The following PROM1 variants were observed in gnomAD, a reference collection of about 807,000 sequenced individuals.
PROM1 encodes the protein prominin-1.
A neutral mutation model predicts 116.9 loss-of-function variants in PROM1; 105 were observed. That is an observed-to-expected ratio of 0.90 (90% CI 0.77 to 1.06). The LOEUF is 1.06. Ranked by LOEUF, PROM1 falls within the 50% of genes least tolerant of loss-of-function variation. The pLI is 0.00. For missense variants in PROM1, 1,122 were observed against 1,045.2 expected (o/e 1.07, Z -1.01); for synonymous variants, 393 against 387.0 (o/e 1.02, Z -0.18).
intron 4 of PROM1, 82 bp from the exon 5 acceptor site, chr4:16,033,591 T>A: frequency 8.9e-7 from 1 of 1,129,756 alleles, no homozygotes; most frequent in Non-Finnish European, 1.2e-6. Flanking sequence ...AAGTTCTTTT[T>A]TTTTTTTTTT....
intron 5 of PROM1, among the ~76,000 whole-genome samples, chr4:16,030,635 G>A (rs970431235): frequency 6.6e-6 from 1 of 152,102 alleles, no homozygotes; most frequent in Non-Finnish European, 1.5e-5. Flanking sequence ...CTTTATTGTT[G>A]ATATATTTTG....
intron 11 of PROM1, among the ~76,000 whole-genome samples, chr4:16,009,934 C>CAAAAAAAAAAAAAAAAAAAAAAAAA (rs4065768): frequency 1.3e-5 from 1 of 75,442 alleles, no homozygotes; most frequent in African/African-American, 5.6e-5. Context: ...GACTCGCTCT[C>CAAAAAAAAAAAAAAAAAAAAAAAAA]AAAAAAAAAA....
At chr4:16,034,242 T>C (rs1472806307) in intron 4 of PROM1, among the ~76,000 whole-genome samples, 3 of 152,152 alleles carry the variant, frequency 2.0e-5, no homozygotes, top group African/African-American at 7.2e-5. Context: ...CTGGAATGTA[T>C]CTTAATTTAG....
intron 13 of PROM1, among the ~76,000 whole-genome samples, chr4:16,000,990 G>A (rs1723697396): frequency 6.6e-6 from 1 of 152,196 alleles, no homozygotes; most frequent in Non-Finnish European, 1.5e-5. Flanking sequence ...CACACGAGGA[G>A]CACAACCCGA....
In PROM1 at chr4:15,968,920, T is replaced by TA. The variant is rs1713701801; in HGVS notation, c.*472dup. The TA allele has an allele frequency of 1.3e-5, 2 of 152,238 alleles. No individual in the cohort carries two copies. Among genetic ancestry groups the TA allele is most frequent in the Non-Finnish European group, 2.9e-5 (2 of 68,048 alleles). 9.4% of individuals were successfully genotyped at this position (152,238 alleles called of 1,614,324 possible). ...GAAAGTCCTATAATACTCATTTGTT[T>TA]AAAAAACTCTGTGGTAACAAAAGGT... On this transcript the variant is annotated 3_prime_UTR_variant, in exon 28 of 28. Coordinates refer to ENST00000447510, the MANE Select transcript of PROM1 (RefSeq NM_006017.3).
Position 16,075,571 on chromosome 4 carries a change from G to A in PROM1, c.220+116C>T, listed in dbSNP as rs371598363. 1.7e-3 allele frequency: 1,767 copies of A among 1,040,608 alleles called. 35 individuals carry two copies. In the South Asian group the frequency reaches 0.024, roughly 14 times the overall value. 64.5% of individuals were successfully genotyped at this position (1,040,608 alleles called of 1,614,324 possible). On this transcript the variant is annotated intron_variant, in intron 2 of 27. Transcript: ENST00000447510. Reference sequence around the variant, plus strand: ...CTGTCTAAATGCTTTCTGCTTCTGTGCAAAGCAATCGCTAAAATACTGAAT... The same window carrying A: ...CTGTCTAAATGCTTTCTGCTTCTGTACAAAGCAATCGCTAAAATACTGAAT...
chr4:16,064,465 G>T (rs1741059190), intron 2 of PROM1, among the ~76,000 whole-genome samples: 1 of 152,134 alleles, frequency 6.6e-6, no homozygotes, highest in Non-Finnish European at 1.5e-5. Flanking sequence ...CAGTGACCAG[G>T]TAACAAGAGG....
At position 15,971,091 on chromosome 4, in the gene PROM1, C is replaced by CA. The variant is rs767545051; in HGVS notation, c.2583-10dup. On this transcript the variant is annotated splice_polypyrimidine_tract_variant and intron_variant, in intron 26 of 27. Transcript: ENST00000447510. ...ATCAATGTTGTGATGGGCTAAAAAA[C>CA]AAAAAAATAAAGAAATATAATACCC... 3.2e-6 allele frequency: 5 copies of CA among 1,562,298 alleles called. No homozygotes were observed. The highest frequency in any genetic ancestry group is 4.3e-6 in the Non-Finnish European group (5 of 1,154,956).
Position 16,016,206 on chromosome 4 carries a change from T to C in PROM1, c.1037A>G (p.Asn346Ser). Residue 346 changes from asparagine (N) to serine (S), a missense_variant, in exon 10 of 28, where the codon AAT becomes AGT. Asn to Ser is a conservative substitution (Grantham distance 46, BLOSUM62 1). Coordinates refer to ENST00000447510, the MANE Select transcript of PROM1 (RefSeq NM_006017.3). ...PPVDAELDNV[N>S]NVLRTDLDGL... is the part of the protein sequence containing the mutation. ...ATCCAAATCTGTCCTAAGAACGTTA[T>C]TAACGTTGTCAAGTTCTGCATCCAC... 2 of 1,554,792 alleles carry C rather than the reference T, an allele frequency of 1.3e-6. No homozygotes were observed. Among genetic ancestry groups the C allele is most frequent in the African/African-American group, 1.4e-5 (1 of 73,364 alleles).
chr4:16,067,229 C>T (rs1406036552), intron 2 of PROM1, among the ~76,000 whole-genome samples: 2 of 152,192 alleles, frequency 1.3e-5, no homozygotes, highest in East Asian at 1.9e-4. Flanking sequence ...CCAGGTCTAA[C>T]CTTGGCTGGG....
chr4:16,055,413 G>A (rs2149486970), intron 2 of PROM1: 1 of 456,242 alleles, frequency 2.2e-6, no homozygotes, highest in South Asian at 1.5e-5. Flanking sequence ...GGTCTTAAAT[G>A]AGCAGGCTTC....
At chr4:16,024,904 T>TA (rs1730863603) in intron 6 of PROM1, among the ~76,000 whole-genome samples, 1 of 152,220 alleles carries the variant, frequency 6.6e-6, no homozygotes, top group Non-Finnish European at 1.5e-5. Context: ...TTCATTTTTT[T>TA]AAAAAATCAT....
At chr4:16,049,783 A>G (rs113389650) in intron 2 of PROM1, among the ~76,000 whole-genome samples, 1 of 151,992 alleles carries the variant, frequency 6.6e-6, no homozygotes. Context: ...GAACAAGATG[A>G]TGAATTTTTT....
At chr4:15,999,487 TCA>T (rs201355725) in intron 14 of PROM1, among the ~76,000 whole-genome samples, 1,805 of 151,712 alleles carry the variant, frequency 0.012, 34 homozygotes, top group African/African-American at 0.041. Flanking sequence ...AAAAAAAAAT[TCA>T]CACACTCTCT....
intron 17 of PROM1, among the ~76,000 whole-genome samples, chr4:15,991,596 T>C (rs1216164748): frequency 1.5e-5 from 2 of 133,110 alleles, no homozygotes; most frequent in Non-Finnish European, 3.1e-5. Flanking sequence ...TTACGTAATC[T>C]TTTTTTTTTT....
intron 2 of PROM1, among the ~76,000 whole-genome samples, chr4:16,041,785 A>AATAAATAAATAT (rs1207310213): frequency 2.7e-5 from 1 of 37,620 alleles, no homozygotes; most frequent in South Asian, 1.0e-3. Flanking sequence ...TAAATAAATA[A>AATAAATAAATAT]ATATATATAT....
chr4:15,983,452 T>C (rs2149062383), intron 23 of PROM1, among the ~76,000 whole-genome samples: 1 of 152,306 alleles, frequency 6.6e-6, no homozygotes, highest in East Asian at 1.9e-4. Context: ...TCTCCACCAT[T>C]GTGTTACCAG....
intron 2 of PROM1, among the ~76,000 whole-genome samples, chr4:16,062,857 C>A (rs1047359427): frequency 6.6e-6 from 1 of 152,156 alleles, no homozygotes; most frequent in Non-Finnish European, 1.5e-5. Flanking sequence ...TGGAAAGATG[C>A]CCGTGATATA....
intron 26 of PROM1, among the ~76,000 whole-genome samples, chr4:15,975,423 G>A (rs1208907889): frequency 6.6e-6 from 1 of 152,138 alleles, no homozygotes; most frequent in Non-Finnish European, 1.5e-5. Flanking sequence ...GTTTCACCAT[G>A]TTGGCCAGGC....
Sources: gnomAD v4.1 joint callset for allele counts (sites outside exome capture counted in the v4.1 genomes callset) on GRCh38, gnomAD v4.1.1 for gene constraint, MANE v1.5 for transcripts, NCBI Gene and HGNC (gene_info 2026-07-23, HGNC 2026-07-21) for gene names.